The following GPR89B variants were observed in gnomAD, a reference collection of about 807,000 sequenced individuals.
GPR89B encodes G protein-coupled receptor 89B.
A neutral mutation model predicts 52.4 loss-of-function variants in GPR89B; 25 were observed. The observed-to-expected ratio is 0.48, with a 90% CI of 0.35 to 0.67. GPR89B has a LOEUF of 0.67. Ranked by LOEUF, GPR89B falls within the 30% of genes least tolerant of loss-of-function variation. The pLI is 0.01. For synonymous variants in GPR89B, 52 were observed against 151.2 expected, an observed-to-expected ratio of 0.34 and a Z score of 4.81; for missense variants, 146 against 450.2, an observed-to-expected ratio of 0.32 and a Z score of 6.11.
the GPR89B span, among the ~76,000 whole-genome samples, chr1:147,999,860 C>T: frequency 6.6e-6 from 1 of 152,148 alleles, no homozygotes; most frequent in African/African-American, 2.4e-5. Context: ...TCATAGCCAC[C>T]CTTCACTGTA....
chr1:147,994,950 C>G (rs1659280026), downstream of GPR89B, among the ~76,000 whole-genome samples: 1 of 152,090 alleles, frequency 6.6e-6, no homozygotes, highest in Non-Finnish European at 1.5e-5. Flanking sequence ...TACTTTTGGA[C>G]CTCAAGTTCA....
chr1:148,012,733 G>A, the GPR89B span, among the ~76,000 whole-genome samples: 42 of 152,002 alleles, frequency 2.8e-4, no homozygotes, highest in Admixed American at 2.4e-3. Context: ...TGTGCCTACT[G>A]TCCAGAGTCC....
At chr1:147,944,403 T>C (rs1654791399) in intron 5 of GPR89B, among the ~76,000 whole-genome samples, 1 of 151,500 alleles carries the variant, frequency 6.6e-6, no homozygotes, top group Admixed American at 6.6e-5. Context: ...TTACTGAATA[T>C]ACTTAAAGGG....
At position 147,986,353 on chromosome 1, in the gene GPR89B, T is replaced by C. The variant is rs2149093026; in HGVS notation, c.1005+59T>C. On this transcript the variant is annotated intron_variant, in intron 11 of 13. Transcript: ENST00000314163. ...TTTCTGTTTTATCTGCTATAACTTATCATTGTTAAGATTCTAATTTGTATA... is the reference window on the plus strand; with the variant it reads ...TTTCTGTTTTATCTGCTATAACTTACCATTGTTAAGATTCTAATTTGTATA... 8.1e-6 allele frequency: 13 copies of C among 1,605,170 alleles called. No homozygotes were observed. In the East Asian group the frequency reaches 9.0e-5, roughly 11 times the overall value.
At chr1:147,962,795 G>A (rs1402511108) in intron 7 of GPR89B, among the ~76,000 whole-genome samples, 1 of 151,518 alleles carries the variant, frequency 6.6e-6, no homozygotes, top group African/African-American at 2.4e-5. Context: ...CTACTGGGGA[G>A]GCTGAGGCAG....
chr1:148,021,450 C>G, the GPR89B span, among the ~76,000 whole-genome samples: 1 of 151,828 alleles, frequency 6.6e-6, no homozygotes, highest in Non-Finnish European at 1.5e-5. Context: ...TGCAGTGAGC[C>G]GAGATCGCGC....
At chr1:147,992,474 A>C in intron 12 of GPR89B, 28 bp from the exon 13 acceptor site, 2 of 1,610,822 alleles carry the variant, frequency 1.2e-6, no homozygotes, top group Non-Finnish European at 1.7e-6. Flanking sequence ...ACAGTACTGC[A>C]TAAATTTATC....
At chr1:147,999,404 C>G in the GPR89B span, among the ~76,000 whole-genome samples, 1 of 148,578 alleles carries the variant, frequency 6.7e-6, no homozygotes, top group Admixed American at 6.7e-5. Context: ...GTCAGGAGAT[C>G]GAGACCATCC....
chr1:148,021,381 A>G, the GPR89B span, among the ~76,000 whole-genome samples: 1 of 151,894 alleles, frequency 6.6e-6, no homozygotes, highest in South Asian at 2.1e-4. Context: ...TGGCACCTGT[A>G]ATCCCAGCTA....
chr1:147,942,061 A>C (rs1490709913), intron 3 of GPR89B, among the ~76,000 whole-genome samples: 1 of 151,898 alleles, frequency 6.6e-6, no homozygotes, highest in Admixed American at 6.5e-5. Flanking sequence ...TAAATTACCT[A>C]TCTGATAATG....
the GPR89B span, chr1:148,009,374 G>C: frequency 1.9e-6 from 3 of 1,611,968 alleles, no homozygotes; most frequent in Middle Eastern, 2.2e-4. Context: ...AGCCATGGCT[G>C]CCTCCCTCCT....
At chr1:147,987,256 G>A (rs1253077865) in intron 11 of GPR89B, among the ~76,000 whole-genome samples, 1 of 152,148 alleles carries the variant, frequency 6.6e-6, no homozygotes, top group Non-Finnish European at 1.5e-5. Context: ...CAGTACTGTG[G>A]CCCACATCTG....
the GPR89B span, among the ~76,000 whole-genome samples, chr1:148,016,049 C>G: frequency 6.9e-6 from 1 of 145,202 alleles, no homozygotes; most frequent in African/African-American, 2.6e-5. Context: ...AACCCACAAC[C>G]CATTGTTATT....
At chr1:147,950,805 C>A (rs1279141463) in intron 5 of GPR89B, among the ~76,000 whole-genome samples, 1 of 152,094 alleles carries the variant, frequency 6.6e-6, no homozygotes, top group African/African-American at 2.4e-5. Flanking sequence ...TGGTGGCGCA[C>A]GCCTGCAATC....
At chr1:147,969,468 G>A (rs1657264504) in intron 9 of GPR89B, 1 of 190,720 alleles carries the variant, frequency 5.2e-6, no homozygotes, top group Non-Finnish European at 1.1e-5. Context: ...TTCTTTTTGA[G>A]GATAACTTTA....
At chr1:148,021,920 C>T in the GPR89B span, 1 of 148,504 alleles carries the variant, frequency 6.7e-6, no homozygotes, top group East Asian at 2.0e-4. Flanking sequence ...TCAGCGAAGC[C>T]TATATGGGTT....
the GPR89B span, among the ~76,000 whole-genome samples, chr1:148,018,262 C>CA: frequency 2.1e-4 from 30 of 140,868 alleles, no homozygotes; most frequent in African/African-American, 6.4e-4. Flanking sequence ...ACTAAAAATA[C>CA]AAAAAAAATA....
chr1:147,943,410 C>T (rs1422905461), intron 3 of GPR89B, 28 bp from the exon 4 acceptor site: 2 of 1,599,084 alleles, frequency 1.3e-6, no homozygotes, highest in Non-Finnish European at 1.7e-6. Context: ...CTCTTCCTCC[C>T]AGTGACAGTC....
chr1:148,021,108 G>C, the GPR89B span, among the ~76,000 whole-genome samples: 1 of 152,012 alleles, frequency 6.6e-6, no homozygotes, highest in South Asian at 2.1e-4. Context: ...CGTCTCTGCT[G>C]TCGGATCCCT....
Sources: allele counts gnomAD v4.1 joint callset (sites outside exome capture counted in the v4.1 genomes callset), GRCh38; gene constraint gnomAD v4.1.1; transcripts MANE v1.5; gene names NCBI Gene and HGNC (gene_info 2026-07-23, HGNC 2026-07-21).